Variants in DNAH5 observed in about 807,000 individuals in gnomAD.
DNAH5 encodes the protein dynein axonemal heavy chain 5.
Under a neutral mutation model 518.2 loss-of-function variants are expected in DNAH5, and 372 were observed. The observed-to-expected ratio is 0.72, with a 90% CI of 0.66 to 0.78. The LOEUF is 0.78. Ranked by LOEUF, DNAH5 falls within the 30% of genes least tolerant of loss-of-function variation. The pLI, the probability that DNAH5 is intolerant of heterozygous loss-of-function variation, is 0.00. For synonymous variants in DNAH5, 2,039 were observed against 2,025.9 expected, an observed-to-expected ratio of 1.01 and a Z score of -0.17; for missense variants, 5,523 against 5,687.0, an observed-to-expected ratio of 0.97 and a Z score of 0.93.
In DNAH5 at chr5:13,788,734, C is replaced by T; in HGVS notation, c.8629G>A (p.Asp2877Asn). The T allele has an allele frequency of 6.2e-7, 1 of 1,614,054 alleles. No homozygotes were observed. Among genetic ancestry groups the T allele is most frequent in the Non-Finnish European group, 8.5e-7 (1 of 1,179,958 alleles). ...AGTTTACCTGCAGCTTCAGGTGCAT[C>T]TCTCAAGAAATCCACAAAATATGTG... Reference protein sequence around the residue: ...IDTYFVDFLRDAPEAAGETSE... With the variant: ...IDTYFVDFLRNAPEAAGETSE... Residue 2877 changes from aspartate (D) to asparagine (N), a missense_variant, in exon 51 of 79, where the codon GAT becomes AAT. Coordinates refer to ENST00000265104, the MANE Select transcript of DNAH5 (RefSeq NM_001369.3).
chr5:13,823,112 A>G, intron 40 of DNAH5, 151 bp downstream of exon 40: 1 of 736,074 alleles, frequency 1.4e-6, no homozygotes, highest in Non-Finnish European at 2.5e-6. Context: ...CGTGGTGTGC[A>G]TTGGCCTCCC....
intron 7 of DNAH5, among the ~76,000 whole-genome samples, chr5:13,917,735 T>A (rs755301168): frequency 1.3e-5 from 2 of 152,186 alleles, no homozygotes; most frequent in African/African-American, 4.8e-5. Context: ...AATCTAAAAG[T>A]GAGAGAAGTA....
intron 35 of DNAH5, among the ~76,000 whole-genome samples, chr5:13,832,722 G>A (rs1006043845): frequency 2.6e-4 from 40 of 152,166 alleles, no homozygotes; most frequent in Non-Finnish European, 5.9e-5. Flanking sequence ...TGTACTATAT[G>A]AACATTGGTT....
chr5:13,950,452 T>A (rs1295567588), intron 1 of DNAH5, among the ~76,000 whole-genome samples: 1 of 152,162 alleles, frequency 6.6e-6, no homozygotes, highest in Non-Finnish European at 1.5e-5. Flanking sequence ...AATTTTGTAT[T>A]TTTAGTAGAG....
chr5:13,923,582 C>G, intron 3 of DNAH5, 142 bp from the exon 4 acceptor site: 2 of 858,428 alleles, frequency 2.3e-6, no homozygotes, highest in East Asian at 5.3e-5. Flanking sequence ...TGAACAATCT[C>G]TAGCATGAGC....
Position 13,814,630 on chromosome 5 carries a change from A to G in DNAH5, c.7205T>C (p.Ile2402Thr), listed in dbSNP as rs774934452. 2 of 1,614,000 alleles carry G rather than the reference A, an allele frequency of 1.2e-6. No homozygotes were observed. Among genetic ancestry groups the G allele is most frequent in the South Asian group, 2.2e-5 (2 of 91,082 alleles). Residue 2402 changes from isoleucine to threonine, a missense_variant, in exon 43 of 79, where the codon ATC becomes ACC. Coordinates refer to ENST00000265104, the MANE Select transcript of DNAH5 (RefSeq NM_001369.3). ...CTCAAGAATAGGACTCCAATCAAGG[A>G]TAGAAGAGCTCATGAAAACCATTCC... ...RNGMVFMSSS[I>T]LDWSPILEGF...
intron 1 of DNAH5, among the ~76,000 whole-genome samples, chr5:13,990,144 A>G (rs961853464): frequency 1.4e-4 from 22 of 152,190 alleles, no homozygotes; most frequent in African/African-American, 5.3e-4. Flanking sequence ...AATTAAAAGC[A>G]TAAAGAAAAA....
At chr5:13,957,280 A>G (rs1780824381) in intron 1 of DNAH5, among the ~76,000 whole-genome samples, 1 of 152,240 alleles carries the variant, frequency 6.6e-6, no homozygotes, top group Non-Finnish European at 1.5e-5. Flanking sequence ...GGCTGAAAGT[A>G]TAACTCACCC....
chr5:13,931,020 G>A (rs1778361097), intron 2 of DNAH5, 90 bp downstream of exon 2: 3 of 1,598,464 alleles, frequency 1.9e-6, no homozygotes, highest in South Asian at 1.1e-5. Flanking sequence ...CCTCCCTCTG[G>A]GCACAGCATG....
At chr5:13,884,241 A>T (rs16902888) in intron 19 of DNAH5, among the ~76,000 whole-genome samples, 2,077 of 152,336 alleles carry the variant, frequency 0.014, 49 homozygotes, top group African/African-American at 0.046. Context: ...ACTTTGTAAG[A>T]CTGGCTAACA....
intron 41 of DNAH5, among the ~76,000 whole-genome samples, chr5:13,818,315 T>C (rs1187001694): frequency 6.6e-6 from 1 of 152,160 alleles, no homozygotes; most frequent in African/African-American, 2.4e-5. Flanking sequence ...ATTATAAAAA[T>C]GGGCAGGGCA....
chr5:14,002,332 T>C (rs983401841), intron 1 of DNAH5, among the ~76,000 whole-genome samples: 6 of 152,214 alleles, frequency 3.9e-5, no homozygotes, highest in African/African-American at 1.2e-4. Flanking sequence ...TCATTATGTT[T>C]GGGGAGTTTT....
chr5:13,951,722 C>A (rs1200395237), intron 1 of DNAH5, among the ~76,000 whole-genome samples: 1 of 152,174 alleles, frequency 6.6e-6, no homozygotes, highest in Non-Finnish European at 1.5e-5. Context: ...CACACACCAC[C>A]CTGCAGAAAC....
intron 75 of DNAH5, among the ~76,000 whole-genome samples, chr5:13,712,752 C>G (rs184570139): frequency 6.6e-6 from 1 of 152,136 alleles, no homozygotes; most frequent in African/African-American, 2.4e-5. Flanking sequence ...CAGGGAAATG[C>G]AAATCAAAAC....
intron 15 of DNAH5, 37 bp downstream of exon 15, chr5:13,900,169 T>C: frequency 6.5e-7 from 1 of 1,542,248 alleles, no homozygotes; most frequent in South Asian, 1.1e-5. Flanking sequence ...ATTCCAGAGC[T>C]AGCCAAGAAT....
At chr5:13,965,037 T>C (rs1781438857) in intron 1 of DNAH5, among the ~76,000 whole-genome samples, 1 of 152,190 alleles carries the variant, frequency 6.6e-6, no homozygotes, top group Non-Finnish European at 1.5e-5. Context: ...CCAACTTGGT[T>C]AGTAATTACT....
At chr5:13,800,015 G>A (rs1047050472) in intron 47 of DNAH5, among the ~76,000 whole-genome samples, 4 of 152,174 alleles carry the variant, frequency 2.6e-5, no homozygotes, top group Middle Eastern at 3.4e-3. Flanking sequence ...ATATATGTTG[G>A]ACATGCTTGC....
chr5:13,777,600 A>G (rs911784889), intron 53 of DNAH5, among the ~76,000 whole-genome samples: 6 of 152,238 alleles, frequency 3.9e-5, no homozygotes, highest in African/African-American at 1.4e-4. Flanking sequence ...ACAAAAATAG[A>G]ATTTTTATCA....
At chr5:13,977,417 C>A (rs898657260) in intron 1 of DNAH5, among the ~76,000 whole-genome samples, 2 of 152,102 alleles carry the variant, frequency 1.3e-5, no homozygotes, top group Non-Finnish European at 2.9e-5. Flanking sequence ...TACCATAGAC[C>A]GAAAGGCTTA....
Sources: gnomAD v4.1 joint callset for allele counts (sites outside exome capture counted in the v4.1 genomes callset) on GRCh38, gnomAD v4.1.1 for gene constraint, MANE v1.5 for transcripts, NCBI Gene and HGNC (gene_info 2026-07-23, HGNC 2026-07-21) for gene names.